FCHSD2: variants seen among roughly 807,000 people sequenced by gnomAD.
FCHSD2 encodes the protein FCH and double SH3 domains 2.
FCHSD2 carries 38 observed loss-of-function variants against 108.1 expected under a neutral mutation model. That is an observed-to-expected ratio of 0.35 (90% CI 0.27 to 0.46). The LOEUF is 0.46. Ranked by LOEUF, FCHSD2 falls within the 20% of genes least tolerant of loss-of-function variation. The probability of loss-of-function intolerance (pLI) is 1.00; values close to 1 mark genes in which losing one functional copy is unlikely to be tolerated. For synonymous variants in FCHSD2, 279 were observed against 314.7 expected, an observed-to-expected ratio of 0.89 and a Z score of 1.20; for missense variants, 751 against 897.8, an observed-to-expected ratio of 0.84 and a Z score of 2.09.
At chr11:73,094,447 A>G (rs556439493) in intron 2 of FCHSD2, among the ~76,000 whole-genome samples, 1 of 152,370 alleles carries the variant, frequency 6.6e-6, no homozygotes, top group East Asian at 1.9e-4. Flanking sequence ...CGTGTCCACA[A>G]AAACACTTTT....
intron 13 of FCHSD2, among the ~76,000 whole-genome samples, chr11:72,859,471 T>C (rs1009351263): frequency 4.6e-5 from 7 of 152,240 alleles, no homozygotes; most frequent in Non-Finnish European, 1.0e-4. Flanking sequence ...CCTATTGTTA[T>C]AGTATTCTAT....
intron 3 of FCHSD2, among the ~76,000 whole-genome samples, chr11:73,039,746 T>C (rs997846435): frequency 9.2e-5 from 14 of 152,362 alleles, no homozygotes; most frequent in Admixed American, 8.5e-4. Context: ...GACTTGTTCT[T>C]ACATCAAGAT....
At chr11:72,973,744 C>T (rs1285810557) in intron 8 of FCHSD2, among the ~76,000 whole-genome samples, 2 of 152,222 alleles carry the variant, frequency 1.3e-5, no homozygotes, top group African/African-American at 2.4e-5. Context: ...ATTCATAACA[C>T]AGTTTTTAAA....
intron 3 of FCHSD2, among the ~76,000 whole-genome samples, chr11:73,055,670 T>A (rs1485128709): frequency 2.6e-5 from 4 of 152,164 alleles, no homozygotes; most frequent in Non-Finnish European, 5.9e-5. Context: ...TTAAATTTTT[T>A]AATAGATAAA....
chr11:72,969,477 T>A lies in FCHSD2; in HGVS notation c.705+14611A>T, dbSNP rs143407520. 3.0e-3 allele frequency among the ~76,000 whole-genome samples: 453 copies of A among 152,284 alleles called. 2 individuals are homozygous for A. Among genetic ancestry groups the A allele is most frequent in the Middle Eastern group, 0.017 (5 of 294 alleles). ...ACAGAGACAAAAAGATGAATCTTTG[T>A]CTTAATTTTTTGAGGGTAGAGAGTA... is the stretch of plus-strand genomic sequence containing the variant. On this transcript the variant is annotated intron_variant, in intron 8 of 19. Transcript: ENST00000409418.
intron 4 of FCHSD2, among the ~76,000 whole-genome samples, chr11:73,003,802 A>G (rs1312211088): frequency 2.6e-5 from 4 of 151,518 alleles, no homozygotes. Context: ...ATATGAAGCA[A>G]TTGTGAAGGA....
chr11:72,843,405 C>T (rs745830695), intron 15 of FCHSD2, 44 bp downstream of exon 15: 19 of 1,608,268 alleles, frequency 1.2e-5, no homozygotes, highest in Non-Finnish European at 1.5e-5. Context: ...AAACAAACTC[C>T]TAAAAATGTC....
intron 5 of FCHSD2, among the ~76,000 whole-genome samples, chr11:72,998,861 A>AC (rs1283660826): frequency 6.6e-6 from 1 of 152,180 alleles, no homozygotes; most frequent in African/African-American, 2.4e-5. Context: ...GCCCTTGTGC[A>AC]CTGTTGGTGG....
chr11:72,864,407 TG>T (rs1233655865), intron 13 of FCHSD2, among the ~76,000 whole-genome samples: 2 of 152,004 alleles, frequency 1.3e-5, no homozygotes, highest in East Asian at 3.9e-4. Context: ...TAGCTGGGCA[TG>T]GGGGCATGAG....
At chr11:72,893,483 T>C (rs1350305156) in intron 10 of FCHSD2, among the ~76,000 whole-genome samples, 1 of 151,982 alleles carries the variant, frequency 6.6e-6, no homozygotes, top group East Asian at 1.9e-4. Context: ...CGCAGATAAT[T>C]TTTTTGATTT....
At chr11:72,922,944 T>G (rs1856002889) in intron 8 of FCHSD2, among the ~76,000 whole-genome samples, 1 of 152,156 alleles carries the variant, frequency 6.6e-6, no homozygotes, top group Non-Finnish European at 1.5e-5. Context: ...GTGGTCATTC[T>G]CCATCCCTTC....
At chr11:72,924,517 C>T (rs942676301) in intron 8 of FCHSD2, among the ~76,000 whole-genome samples, 1 of 150,788 alleles carries the variant, frequency 6.6e-6, no homozygotes, top group Non-Finnish European at 1.5e-5. Flanking sequence ...CTCCTGATCT[C>T]GTGATCCGCC....
intron 6 of FCHSD2, among the ~76,000 whole-genome samples, chr11:72,986,509 C>T (rs1008340898): frequency 5.3e-5 from 8 of 152,056 alleles, no homozygotes; most frequent in African/African-American, 1.9e-4. Context: ...GTGCCCGGCC[C>T]CAATTATTTT....
chr11:73,071,072 C>T (rs773240186), intron 3 of FCHSD2, among the ~76,000 whole-genome samples: 5 of 152,082 alleles, frequency 3.3e-5, no homozygotes, highest in Non-Finnish European at 7.4e-5. Context: ...TCCATAAATG[C>T]CTCCTACAAT....
intron 6 of FCHSD2, 52 bp downstream of exon 6, chr11:72,988,912 A>T: frequency 1.3e-6 from 2 of 1,496,326 alleles, no homozygotes; most frequent in Non-Finnish European, 1.8e-6. Flanking sequence ...ACTATTAGCA[A>T]CAATAACATT....
intron 2 of FCHSD2, among the ~76,000 whole-genome samples, chr11:73,126,230 C>T (rs1014103331): frequency 6.7e-6 from 1 of 148,726 alleles, no homozygotes; most frequent in Non-Finnish European, 1.5e-5. Flanking sequence ...ATCCCAGCTA[C>T]TTGGGAGGCT....
At chr11:73,105,306 C>T (rs1205089920) in intron 2 of FCHSD2, among the ~76,000 whole-genome samples, 1 of 152,146 alleles carries the variant, frequency 6.6e-6, no homozygotes, top group Non-Finnish European at 1.5e-5. Context: ...AGAATAAGGA[C>T]AATGAAACAG....
intron 3 of FCHSD2, among the ~76,000 whole-genome samples, chr11:73,072,312 T>TG (rs1489125734): frequency 6.6e-6 from 1 of 151,970 alleles, no homozygotes. Flanking sequence ...CGAATAGCCA[T>TG]GAAAAAGTGA....
At chr11:73,055,391 A>C (rs926966667) in intron 3 of FCHSD2, among the ~76,000 whole-genome samples, 3 of 152,146 alleles carry the variant, frequency 2.0e-5, no homozygotes, top group African/African-American at 7.2e-5. Context: ...AAATACTAAT[A>C]ATTCAAATAC....
Sources: allele counts gnomAD v4.1 joint callset (sites outside exome capture counted in the v4.1 genomes callset), GRCh38; gene constraint gnomAD v4.1.1; transcripts MANE v1.5; gene names NCBI Gene and HGNC (gene_info 2026-07-23, HGNC 2026-07-21).